The following SYCP1 variants were observed in gnomAD, a reference collection of about 807,000 sequenced individuals.
SYCP1 encodes synaptonemal complex protein 1, also known as cancer/testis antigen 8.
A neutral mutation model predicts 153.1 loss-of-function variants in SYCP1; 64 were observed. The ratio of observed to expected loss-of-function variants is 0.42; its 90% CI spans 0.34 to 0.51. The LOEUF (loss-of-function observed/expected upper bound fraction) is 0.51. Ranked by LOEUF, SYCP1 falls within the 20% of genes least tolerant of loss-of-function variation. SYCP1 has a pLI of 0.06. For missense variants in SYCP1, 997 were observed against 1,049.0 expected (o/e 0.95, Z 0.68); for synonymous variants, 384 against 341.8 (o/e 1.12, Z -1.36).
intron 25 of SYCP1, among the ~76,000 whole-genome samples, chr1:114,945,486 G>A (rs1032050791): frequency 5.9e-5 from 9 of 151,392 alleles, no homozygotes; most frequent in Non-Finnish European, 1.2e-4. Flanking sequence ...AAGAGGTAGG[G>A]TATACCTACC....
intron 8 of SYCP1, among the ~76,000 whole-genome samples, chr1:114,872,573 A>G (rs1665223530): frequency 6.6e-6 from 1 of 152,146 alleles, no homozygotes; most frequent in African/African-American, 2.4e-5. Flanking sequence ...GGTGTCTGAA[A>G]TTAATTTAGG....
intron 27 of SYCP1, among the ~76,000 whole-genome samples, chr1:114,953,050 A>G (rs1671208123): frequency 6.6e-6 from 1 of 152,212 alleles, no homozygotes; most frequent in Non-Finnish European, 1.5e-5. Flanking sequence ...GGAAGATAAA[A>G]AGGCAAAGAA....
chr1:114,994,271 A>G (rs1674120676), intron 30 of SYCP1, among the ~76,000 whole-genome samples: 1 of 151,372 alleles, frequency 6.6e-6, no homozygotes, highest in Admixed American at 6.6e-5. Context: ...AGATAATATT[A>G]TAAGTTTTTT....
intron 27 of SYCP1, among the ~76,000 whole-genome samples, chr1:114,951,858 A>G (rs1671130393): frequency 1.4e-5 from 2 of 146,552 alleles, no homozygotes; most frequent in South Asian, 2.1e-4. Flanking sequence ...TAATTTTGCC[A>G]TTTCGAGAAT....
chr1:114,905,701 T>C (rs1327916184), intron 16 of SYCP1, among the ~76,000 whole-genome samples: 1 of 152,214 alleles, frequency 6.6e-6, no homozygotes, highest in East Asian at 1.9e-4. Flanking sequence ...TGAAACCACT[T>C]GGGTCTAGAG....
At chr1:114,881,523 C>CCTTT (rs1268397355) in intron 12 of SYCP1, among the ~76,000 whole-genome samples, 12 of 151,226 alleles carry the variant, frequency 7.9e-5, no homozygotes, top group Non-Finnish European at 1.3e-4. Flanking sequence ...TTCCTTCCTT[C>CCTTT]CTTCCTTCCT....
intron 11 of SYCP1, 150 bp downstream of exon 11, chr1:114,876,960 G>T (rs1435994675): frequency 2.9e-6 from 1 of 342,044 alleles, no homozygotes; most frequent in South Asian, 1.3e-4. Flanking sequence ...TTAGCCTTTA[G>T]ACTCACTTAA....
At chr1:114,953,660 A>G (rs1021635224) in intron 27 of SYCP1, among the ~76,000 whole-genome samples, 1 of 152,148 alleles carries the variant, frequency 6.6e-6, no homozygotes, top group African/African-American at 2.4e-5. Context: ...CCATTGATCT[A>G]TGTGTCTCTT....
intron 15 of SYCP1, among the ~76,000 whole-genome samples, chr1:114,893,366 G>T (rs913253910): frequency 6.6e-6 from 1 of 151,392 alleles, no homozygotes; most frequent in Non-Finnish European, 1.5e-5. Flanking sequence ...ATCTGTATCT[G>T]TATCTCTATC....
chr1:114,988,058 A>G (rs1214435629), intron 30 of SYCP1, among the ~76,000 whole-genome samples: 2 of 148,404 alleles, frequency 1.3e-5, no homozygotes, highest in African/African-American at 4.9e-5. Flanking sequence ...AGACAATTGA[A>G]GTTACTGAGT....
At chr1:114,963,578 A>G (rs1671916096) in intron 27 of SYCP1, among the ~76,000 whole-genome samples, 1 of 151,758 alleles carries the variant, frequency 6.6e-6, no homozygotes, top group Non-Finnish European at 1.5e-5. Flanking sequence ...CTGTGCCTGT[A>G]TGTTCTCATT....
chr1:114,941,238 C>T (rs1670368009), intron 23 of SYCP1, among the ~76,000 whole-genome samples: 1 of 151,940 alleles, frequency 6.6e-6, no homozygotes, highest in Non-Finnish European at 1.5e-5. Flanking sequence ...GCAGTTCAAA[C>T]CCATGTTGTT....
chr1:114,860,699 C>A, intron 7 of SYCP1, 37 bp from the exon 8 acceptor site: 1 of 1,422,084 alleles, frequency 7.0e-7, no homozygotes, highest in Non-Finnish European at 9.6e-7. Flanking sequence ...GCTTTGAGAT[C>A]AGATTACACA....
intron 23 of SYCP1, among the ~76,000 whole-genome samples, chr1:114,932,653 C>T (rs533223335): frequency 6.6e-6 from 1 of 152,204 alleles, no homozygotes; most frequent in African/African-American, 2.4e-5. Context: ...CTTTCCTAAC[C>T]AAGAGAAGCC....
At position 114,945,061 on chromosome 1, in the gene SYCP1, T is replaced by C. The variant is rs1207866227; in HGVS notation, c.2154+79T>C. On this transcript the variant is annotated intron_variant, in intron 25 of 31. Transcript: ENST00000369522. ...TTAAATAATGGTGAAATCAAGATAG[T>C]ATTCTTATTTGTCAGAGAAGATTAT... 3 of 1,031,946 alleles carry C rather than the reference T, an allele frequency of 2.9e-6. No homozygotes were observed. The East Asian group carries it at 8.1e-5, about 28-fold the overall frequency. The allele number at this position is 1,031,946 out of a possible 1,614,324, so 63.9% of individuals were successfully genotyped here.
chr1:114,927,355 G>T (rs1157273553), intron 23 of SYCP1, among the ~76,000 whole-genome samples: 3 of 151,738 alleles, frequency 2.0e-5, no homozygotes, highest in Non-Finnish European at 4.4e-5. Flanking sequence ...CCAAACAGAA[G>T]ACAACAAAAA....
chr1:114,880,469 G>T (rs889079929), intron 12 of SYCP1, among the ~76,000 whole-genome samples: 5 of 152,168 alleles, frequency 3.3e-5, no homozygotes, highest in Non-Finnish European at 7.3e-5. Flanking sequence ...CGATGATGTT[G>T]TCTTTTCTCT....
At chr1:114,884,090 C>T (rs747121577) in intron 12 of SYCP1, among the ~76,000 whole-genome samples, 2 of 152,150 alleles carry the variant, frequency 1.3e-5, no homozygotes, top group African/African-American at 4.8e-5. Flanking sequence ...AAACTTGGCA[C>T]GTACTTCTGT....
chr1:114,965,650 G>T (rs1672070778), intron 27 of SYCP1, among the ~76,000 whole-genome samples: 1 of 152,120 alleles, frequency 6.6e-6, no homozygotes, highest in South Asian at 2.1e-4. Flanking sequence ...TTATGTGATG[G>T]ATTATGTTTA....
Sources: allele counts gnomAD v4.1 joint callset (sites outside exome capture counted in the v4.1 genomes callset), GRCh38; gene constraint gnomAD v4.1.1; transcripts MANE v1.5; gene names NCBI Gene and HGNC (gene_info 2026-07-23, HGNC 2026-07-21).